The following SUCLG2 variants were observed in gnomAD, a reference collection of about 807,000 sequenced individuals.
The protein encoded by SUCLG2 is succinate--CoA ligase [GDP-forming] subunit beta, mitochondrial.
SUCLG2 carries 42 observed loss-of-function variants against 47.9 expected under a neutral mutation model. The observed-to-expected ratio is 0.88, with a 90% CI of 0.69 to 1.14. The LOEUF is 1.14. Among genes scored for constraint, SUCLG2 ranks in the 50% most tolerant of loss-of-function variants. The pLI, the probability that SUCLG2 is intolerant of heterozygous loss-of-function variation, is 0.00. For synonymous variants in SUCLG2, 195 were observed against 197.3 expected, an observed-to-expected ratio of 0.99 and a Z score of 0.10; for missense variants, 571 against 525.9, an observed-to-expected ratio of 1.09 and a Z score of -0.84.
At chr3:67,603,277 G>C (rs189596996) in intron 2 of SUCLG2, among the ~76,000 whole-genome samples, 26 of 152,320 alleles carry the variant, frequency 1.7e-4, no homozygotes, top group African/African-American at 6.0e-4. Context: ...ACATGTCATA[G>C]GACAAAGCCA....
At chr3:67,400,151 A>G (rs1170857676) in intron 10 of SUCLG2, among the ~76,000 whole-genome samples, 1 of 151,696 alleles carries the variant, frequency 6.6e-6, no homozygotes, top group Non-Finnish European at 1.5e-5. Flanking sequence ...CAGACATGCT[A>G]AATGTGAAAA....
intron 9 of SUCLG2, among the ~76,000 whole-genome samples, chr3:67,487,826 T>G (rs1201841316): frequency 6.6e-6 from 1 of 152,138 alleles, no homozygotes; most frequent in Non-Finnish European, 1.5e-5. Context: ...CCCTTACACT[T>G]CTAGGAATTT....
chr3:67,362,594 A>T (rs938575843), intron 10 of SUCLG2, among the ~76,000 whole-genome samples: 8 of 152,178 alleles, frequency 5.3e-5, no homozygotes, highest in African/African-American at 1.9e-4. Context: ...TGCAACTGTT[A>T]TCTGGGTCGC....
chr3:67,612,514 CAAT>C (rs138385929), intron 1 of SUCLG2, among the ~76,000 whole-genome samples: 1,857 of 152,164 alleles, frequency 0.012, 51 homozygotes, highest in African/African-American at 0.042. Flanking sequence ...ATAATAATAA[CAAT>C]AATAGTTCCA....
At chr3:67,535,183 T>A (rs1036917610) in intron 2 of SUCLG2, among the ~76,000 whole-genome samples, 13 of 151,144 alleles carry the variant, frequency 8.6e-5, no homozygotes, top group Non-Finnish European at 1.6e-4. Context: ...TGTCTCCCCC[T>A]GATTTTCAAA....
At chr3:67,362,608 T>C (rs1188386206) in intron 10 of SUCLG2, among the ~76,000 whole-genome samples, 1 of 152,204 alleles carries the variant, frequency 6.6e-6, no homozygotes, top group Non-Finnish European at 1.5e-5. Context: ...GGGTCGCCAC[T>C]GTATCCTAAC....
At chr3:67,584,882 G>T (rs1378532864) in intron 2 of SUCLG2, among the ~76,000 whole-genome samples, 1 of 152,094 alleles carries the variant, frequency 6.6e-6, no homozygotes, top group African/African-American at 2.4e-5. Context: ...AGAACAGCAT[G>T]AGGGTAACTG....
chr3:67,614,548 C>T (rs537648682), intron 1 of SUCLG2, among the ~76,000 whole-genome samples: 7 of 152,038 alleles, frequency 4.6e-5, no homozygotes, highest in South Asian at 2.1e-4. Flanking sequence ...ACAATCTTTC[C>T]GGCCCTTTGT....
rs1702011737 is a variant in SUCLG2 at position 67,375,228 on chromosome 3, A to G, written c.*516T>C. 1.0e-6 allele frequency: 1 copy of G among 985,790 alleles called. No homozygotes were observed. The highest frequency in any genetic ancestry group is 1.7e-5 in the African/African-American group (1 of 57,254). The allele number at this position is 985,790 out of a possible 1,614,324, so 61.1% of individuals were successfully genotyped here. A position where few individuals can be genotyped will look rare whatever the true frequency, so the allele number is the denominator to read the frequency against. On this transcript the variant is annotated 3_prime_UTR_variant, in exon 11 of 11. Coordinates refer to ENST00000307227, the MANE Select transcript of SUCLG2 (RefSeq NM_003848.4). ...AGAATTAGAAACCTGTAAAATCTGC[A>G]GTAGTGTGTAATAGCTATTTGCTTG...
chr3:67,648,676 T>C (rs891272845), intron 1 of SUCLG2, among the ~76,000 whole-genome samples: 13 of 152,204 alleles, frequency 8.5e-5, no homozygotes, highest in South Asian at 8.3e-4. Context: ...TCACGCAGCC[T>C]TGTTATATAC....
At chr3:67,396,684 C>A (rs1014405641) in intron 10 of SUCLG2, among the ~76,000 whole-genome samples, 1 of 152,140 alleles carries the variant, frequency 6.6e-6, no homozygotes, top group Non-Finnish European at 1.5e-5. Context: ...AGGCCAGCAT[C>A]ATCCTGATAC....
Position 67,607,240 on chromosome 3 carries a change from C to G in SUCLG2, c.226+2215G>C, listed in dbSNP as rs140947390. ...CTAGCCACATCAGTCTCTTGAGCAC[C>G]TGAAATGTGACTAGTCTGAAATGAG... On this transcript the variant is annotated intron_variant, in intron 2 of 10. Coordinates refer to ENST00000307227, the MANE Select transcript of SUCLG2 (RefSeq NM_003848.4). Among the ~76,000 whole-genome samples, 209 of 152,170 alleles carry G rather than the reference C, an allele frequency of 1.4e-3. 3 individuals carry two copies. The East Asian group carries it at 0.026, about 19-fold the overall frequency.
intron 2 of SUCLG2, among the ~76,000 whole-genome samples, chr3:67,586,378 T>C (rs1369043713): frequency 6.6e-6 from 1 of 152,150 alleles, no homozygotes; most frequent in African/African-American, 2.4e-5. Flanking sequence ...TGGGACAAAA[T>C]TTTCTTTTTG....
chr3:67,530,622 C>T (rs1172584381), intron 2 of SUCLG2, among the ~76,000 whole-genome samples: 1 of 152,204 alleles, frequency 6.6e-6, no homozygotes, highest in Non-Finnish European at 1.5e-5. Flanking sequence ...GATGTCACAC[C>T]ATTGAGGCTC....
chr3:67,515,030 T>G (rs896428674), intron 6 of SUCLG2, among the ~76,000 whole-genome samples: 1 of 152,104 alleles, frequency 6.6e-6, no homozygotes, highest in African/African-American at 2.4e-5. Context: ...CAATGCTACA[T>G]CGCAATGCTC....
intron 9 of SUCLG2, among the ~76,000 whole-genome samples, chr3:67,438,513 G>C (rs537521088): frequency 1.3e-5 from 2 of 151,648 alleles, no homozygotes; most frequent in South Asian, 4.2e-4. Context: ...ATAAAGAAGA[G>C]AGAAGAATCA....
intron 2 of SUCLG2, among the ~76,000 whole-genome samples, chr3:67,572,570 G>A (rs1274006329): frequency 6.6e-6 from 1 of 152,152 alleles, no homozygotes; most frequent in East Asian, 1.9e-4. Flanking sequence ...GTAAAAAAAT[G>A]TACTCTCTCA....
chr3:67,395,070 G>A (rs1322716674), intron 10 of SUCLG2, among the ~76,000 whole-genome samples: 2 of 152,010 alleles, frequency 1.3e-5, no homozygotes, highest in Non-Finnish European at 2.9e-5. Context: ...GCAAAATCAT[G>A]CCAAAATGTA....
At chr3:67,467,807 A>G (rs1704510068) in intron 9 of SUCLG2, among the ~76,000 whole-genome samples, 1 of 152,192 alleles carries the variant, frequency 6.6e-6, no homozygotes, top group African/African-American at 2.4e-5. Flanking sequence ...AGGAAAAAAA[A>G]AATGAGACTT....
Sources: gnomAD v4.1 joint callset for allele counts (sites outside exome capture counted in the v4.1 genomes callset) on GRCh38, gnomAD v4.1.1 for gene constraint, MANE v1.5 for transcripts, NCBI Gene and HGNC (gene_info 2026-07-23, HGNC 2026-07-21) for gene names.